ADARB2: variants seen among roughly 807,000 people sequenced by gnomAD.
ADARB2 encodes the protein inactive double-stranded RNA-specific editase B2.
ADARB2 carries 25 observed loss-of-function variants against 62.2 expected under a neutral mutation model. That is an observed-to-expected ratio of 0.40 (90% CI 0.29 to 0.56). The LOEUF (loss-of-function observed/expected upper bound fraction) is 0.56, where lower values mean the gene tolerates loss of function less well. Ranked by LOEUF, ADARB2 falls within the 20% of genes least tolerant of loss-of-function variation. The pLI, the probability that ADARB2 is intolerant of heterozygous loss-of-function variation, is 0.43. For missense variants in ADARB2, 1,071 were observed against 1,077.4 expected (o/e 0.99, Z 0.08); for synonymous variants, 572 against 500.8 (o/e 1.14, Z -1.90).
intron 3 of ADARB2, among the ~76,000 whole-genome samples, chr10:1,339,873 A>C (rs533753207): frequency 2.4e-4 from 36 of 152,120 alleles, no homozygotes; most frequent in Admixed American, 1.3e-3. Flanking sequence ...TTTTGATAGA[A>C]GTTTTGACGG....
chr10:1,234,188 C>T (rs971923307), intron 5 of ADARB2, among the ~76,000 whole-genome samples: 2 of 151,718 alleles, frequency 1.3e-5, no homozygotes, highest in Non-Finnish European at 2.9e-5. Flanking sequence ...AGGGTTTCAC[C>T]ATGTTGGCCA....
At chr10:1,243,228 C>T (rs1406210888) in intron 4 of ADARB2, among the ~76,000 whole-genome samples, 1 of 152,252 alleles carries the variant, frequency 6.6e-6, no homozygotes, top group African/African-American at 2.4e-5. Flanking sequence ...TGGGATGTGA[C>T]AGCCACTGGC....
intron 1 of ADARB2, among the ~76,000 whole-genome samples, chr10:1,692,736 C>T (rs1038257966): frequency 2.0e-5 from 3 of 152,124 alleles, no homozygotes; most frequent in African/African-American, 7.2e-5. Flanking sequence ...ACAATAAATA[C>T]ATTAATGAAT....
intron 1 of ADARB2, among the ~76,000 whole-genome samples, chr10:1,662,861 G>A (rs915537289): frequency 2.0e-5 from 3 of 152,294 alleles, no homozygotes; most frequent in South Asian, 2.1e-4. Context: ...GGCTCCTGAC[G>A]GGCAGCGGCC....
At chr10:1,501,323 C>T (rs1344471114) in intron 1 of ADARB2, among the ~76,000 whole-genome samples, 1 of 152,332 alleles carries the variant, frequency 6.6e-6, no homozygotes, top group South Asian at 2.1e-4. Flanking sequence ...TGCATGTATA[C>T]ATGATTTTTC....
intron 1 of ADARB2, among the ~76,000 whole-genome samples, chr10:1,625,307 CT>C (rs1833753149): frequency 6.6e-6 from 1 of 152,222 alleles, no homozygotes; most frequent in South Asian, 2.1e-4. Context: ...GAAAATACCC[CT>C]TTTTCCAGGG....
In ADARB2 at chr10:1,379,312, A is replaced by G. The variant is rs574945591; in HGVS notation, c.101-152T>C. On this transcript the variant is annotated intron_variant, in intron 1 of 9. Transcript: ENST00000381312. ...TCATTCTGGTTCAGTCTTTTATTGA[A>G]TATCTGACAGCATTTTATCAAATTC... The G allele has an allele frequency of 4.3e-4, 268 of 622,952 alleles. 2 individuals carry two copies. The South Asian group carries it at 4.9e-3, about 11-fold the overall frequency. The allele number at this position is 622,952 out of a possible 1,614,324, so 38.6% of individuals were successfully genotyped here.
At chr10:1,219,803 AATGGTGATGATGGTG>A (rs1830666442) in intron 6 of ADARB2, among the ~76,000 whole-genome samples, 1 of 149,662 alleles carries the variant, frequency 6.7e-6, no homozygotes, top group Non-Finnish European at 1.5e-5. Context: ...TAATGATGGC[AATGGTGATGATGGTG>A]ATGGTAATGA....
chr10:1,180,561 A>G lies in ADARB2; in HGVS notation c.*2632T>C, dbSNP rs922226752. ...TTGGGAGCAGCCTGCGTGTGGCGTGATCTGGTGTGGCGTGCCTCCTGCGTG... is the reference window on the plus strand; with the variant it reads ...TTGGGAGCAGCCTGCGTGTGGCGTGGTCTGGTGTGGCGTGCCTCCTGCGTG... On this transcript the variant is annotated 3_prime_UTR_variant, in exon 10 of 10. Coordinates refer to ENST00000381312, the MANE Select transcript of ADARB2 (RefSeq NM_018702.4). 2.6e-5 allele frequency: 4 copies of G among 152,590 alleles called. No individual in the cohort carries two copies. Among genetic ancestry groups the G allele is most frequent in the Non-Finnish European group, 1.5e-5 (1 of 68,476 alleles). The allele number at this position is 152,590 out of a possible 1,614,324, so 9.5% of individuals were successfully genotyped here. A position where few individuals can be genotyped will look rare whatever the true frequency, so the allele number is the denominator to read the frequency against.
At chr10:1,584,061 T>C (rs1240499577) in intron 1 of ADARB2, among the ~76,000 whole-genome samples, 1 of 152,162 alleles carries the variant, frequency 6.6e-6, no homozygotes, top group Non-Finnish European at 1.5e-5. Context: ...GGAGAAAATG[T>C]AGATGACCTT....
At chr10:1,699,143 C>T (rs1195944201) in intron 1 of ADARB2, among the ~76,000 whole-genome samples, 1 of 152,292 alleles carries the variant, frequency 6.6e-6, no homozygotes, top group Non-Finnish European at 1.5e-5. Flanking sequence ...GATGCATCCA[C>T]TGCCAGCTGC....
intron 1 of ADARB2, among the ~76,000 whole-genome samples, chr10:1,514,680 G>A (rs1443745031): frequency 6.6e-6 from 1 of 152,290 alleles, no homozygotes; most frequent in East Asian, 1.9e-4. Flanking sequence ...AATTTTGATT[G>A]AATTAGAGTT....
At chr10:1,338,242 G>A (rs527332933) in intron 3 of ADARB2, among the ~76,000 whole-genome samples, 135 of 152,268 alleles carry the variant, frequency 8.9e-4, no homozygotes, top group African/African-American at 3.1e-3. Flanking sequence ...GTGTTTAACC[G>A]AACATAGCTT....
chr10:1,660,804 A>G (rs1198388170), intron 1 of ADARB2, among the ~76,000 whole-genome samples: 1 of 152,280 alleles, frequency 6.6e-6, no homozygotes, highest in Non-Finnish European at 1.5e-5. Flanking sequence ...ATTCCACTGC[A>G]TGTTTAACCA....
intron 1 of ADARB2, among the ~76,000 whole-genome samples, chr10:1,454,094 G>C (rs529598662): frequency 5.3e-5 from 8 of 152,214 alleles, no homozygotes; most frequent in Admixed American, 1.3e-4. Context: ...AGGCCTCACA[G>C]TCATGGCAGA....
chr10:1,524,632 GTGTT>G (rs1420010749), intron 1 of ADARB2, among the ~76,000 whole-genome samples: 13 of 152,176 alleles, frequency 8.5e-5, no homozygotes, highest in Admixed American at 4.6e-4. Context: ...CTATTTCTGA[GTGTT>G]TGCTGTAGGC....
chr10:1,472,439 C>A (rs537314985), intron 1 of ADARB2, among the ~76,000 whole-genome samples: 4 of 151,906 alleles, frequency 2.6e-5, no homozygotes, highest in Admixed American at 2.0e-4. Context: ...GAGTGCCATG[C>A]GGCTCGGGGT....
chr10:1,628,322 C>T (rs867317027), intron 1 of ADARB2, among the ~76,000 whole-genome samples: 3 of 152,206 alleles, frequency 2.0e-5, no homozygotes, highest in Admixed American at 6.5e-5. Flanking sequence ...TGCTTTCTAC[C>T]GATGTTAGGC....
intron 1 of ADARB2, among the ~76,000 whole-genome samples, chr10:1,455,070 A>G (rs1003338399): frequency 6.6e-6 from 1 of 152,212 alleles, no homozygotes; most frequent in African/African-American, 2.4e-5. Context: ...CAGTGGAAAG[A>G]GTGGATACCT....
Sources: gnomAD v4.1 joint callset for allele counts (sites outside exome capture counted in the v4.1 genomes callset) on GRCh38, gnomAD v4.1.1 for gene constraint, MANE v1.5 for transcripts, NCBI Gene and HGNC (gene_info 2026-07-23, HGNC 2026-07-21) for gene names.